Variants in CADM1 observed in about 807,000 individuals in gnomAD.
CADM1 encodes the protein cell adhesion molecule 1, also known as TSLC-1.
CADM1 carries 15 observed loss-of-function variants against 53.1 expected under a neutral mutation model. The observed-to-expected ratio is 0.28, with a 90% CI of 0.19 to 0.44. The LOEUF is 0.44. CADM1 is among the 20% of genes least tolerant of loss of function. CADM1 has a pLI of 1.00. For synonymous variants in CADM1, 281 were observed against 243.0 expected (o/e 1.16, Z -1.45); for missense variants, 434 against 611.3 (o/e 0.71, Z 3.06).
At chr11:115,276,200 T>C (rs1943438913) in intron 1 of CADM1, among the ~76,000 whole-genome samples, 1 of 152,252 alleles carries the variant, frequency 6.6e-6, no homozygotes, top group South Asian at 2.1e-4. Context: ...ATGACTATTT[T>C]AAATGACTAT....
At chr11:115,488,231 T>C (rs193279468) in intron 1 of CADM1, among the ~76,000 whole-genome samples, 6 of 152,276 alleles carry the variant, frequency 3.9e-5, no homozygotes, top group Admixed American at 3.9e-4. Flanking sequence ...AGATTCTCCA[T>C]AATTCAAAGC....
chr11:115,392,555 C>T (rs1946862924), intron 1 of CADM1, among the ~76,000 whole-genome samples: 1 of 152,062 alleles, frequency 6.6e-6, no homozygotes, highest in East Asian at 1.9e-4. Context: ...GAAAAGAAAA[C>T]CAAATGGTTA....
In CADM1 at chr11:115,338,877, A is replaced by ATT. The variant is rs56300408; in HGVS notation, c.125-98459_125-98458dup. On this transcript the variant is annotated intron_variant, in intron 1 of 11. Coordinates refer to ENST00000331581, the MANE Select transcript of CADM1 (RefSeq NM_001301043.2). ...TGTTCCACCTTCTTTTATTTTTTTT[A>ATT]TTTTTTTTTTTTTAATTTTTTTTTT... 1.3e-3 allele frequency among the ~76,000 whole-genome samples: 164 copies of ATT among 127,646 alleles called. 1 individual carries two copies. Among genetic ancestry groups the ATT allele is most frequent in the South Asian group, 2.0e-3 (8 of 3,972 alleles). The allele number at this position is 127,646 out of a possible 152,430, so 83.7% of individuals were successfully genotyped here.
chr11:115,312,136 T>C (rs1006324329), intron 1 of CADM1, among the ~76,000 whole-genome samples: 3 of 152,240 alleles, frequency 2.0e-5, no homozygotes, highest in African/African-American at 7.2e-5. Context: ...GACAGTGTAG[T>C]GACAGCCATA....
intron 1 of CADM1, among the ~76,000 whole-genome samples, chr11:115,301,939 T>C (rs1364975949): frequency 6.6e-6 from 1 of 152,112 alleles, no homozygotes; most frequent in Non-Finnish European, 1.5e-5. Flanking sequence ...TTCAGAACTA[T>C]ACATACACAA....
chr11:115,260,303 CAG>C (rs1426839807), intron 1 of CADM1, among the ~76,000 whole-genome samples: 2 of 152,210 alleles, frequency 1.3e-5, no homozygotes, highest in Non-Finnish European at 2.9e-5. Context: ...ATCCAATGTG[CAG>C]AGAGTAAGAC....
In CADM1 at chr11:115,374,523, T is replaced by G. The variant is rs74424957; in HGVS notation, c.124+129748A>C. ...ATGGCAGAATAAGATCCTCACCATT[T>G]TGCAGCCCTCACTGAAAGAATAAAT... On this transcript the variant is annotated intron_variant, in intron 1 of 11. Coordinates refer to ENST00000331581, the MANE Select transcript of CADM1 (RefSeq NM_001301043.2). Among the ~76,000 whole-genome samples, 345 of 152,278 alleles carry G rather than the reference T, an allele frequency of 2.3e-3. 4 individuals are homozygous for G. The highest frequency in any genetic ancestry group is 7.8e-3 in the African/African-American group (323 of 41,558).
chr11:115,450,396 TA>T lies in CADM1; in HGVS notation c.124+53874del, dbSNP rs35203258. Among the ~76,000 whole-genome samples the T allele has an allele frequency of 3.1e-3, 471 of 152,320 alleles. 1 individual carries two copies. The highest frequency in any genetic ancestry group is 0.01 in the African/African-American group (429 of 41,578). ...CATTCATAGCCTTTATTCCTAGTTC[TA>T]AAACTGTGCTTCTATCTTAGTAATA... On this transcript the variant is annotated intron_variant, in intron 1 of 11. Coordinates refer to ENST00000331581, the MANE Select transcript of CADM1 (RefSeq NM_001301043.2).
At chr11:115,424,348 G>T (rs1246107292) in intron 1 of CADM1, among the ~76,000 whole-genome samples, 2 of 152,128 alleles carry the variant, frequency 1.3e-5, no homozygotes, top group East Asian at 1.9e-4. Context: ...AGGATAACAG[G>T]TGCTATATCA....
intron 1 of CADM1, among the ~76,000 whole-genome samples, chr11:115,447,906 C>T (rs973793693): frequency 6.6e-6 from 1 of 152,188 alleles, no homozygotes; most frequent in Non-Finnish European, 1.5e-5. Flanking sequence ...GGTGTTCTTT[C>T]TTAGGTGCTC....
At chr11:115,188,613 C>T (rs533664221) in intron 10 of CADM1, among the ~76,000 whole-genome samples, 1 of 152,290 alleles carries the variant, frequency 6.6e-6, no homozygotes, top group Non-Finnish European at 1.5e-5. Context: ...GAGGAAATTT[C>T]TACCCTGATG....
At chr11:115,276,587 T>C (rs138519026) in intron 1 of CADM1, among the ~76,000 whole-genome samples, 238 of 152,308 alleles carry the variant, frequency 1.6e-3, no homozygotes, top group African/African-American at 5.3e-3. Context: ...TTCATGGTGA[T>C]TTGGGGAGCA....
chr11:115,458,403 T>C (rs1948723366), intron 1 of CADM1, among the ~76,000 whole-genome samples: 1 of 151,896 alleles, frequency 6.6e-6, no homozygotes, highest in South Asian at 2.1e-4. Context: ...GACACTAGAA[T>C]AGGGGTGAGA....
At chr11:115,478,053 A>C (rs1949174909) in intron 1 of CADM1, among the ~76,000 whole-genome samples, 1 of 152,232 alleles carries the variant, frequency 6.6e-6, no homozygotes, top group African/African-American at 2.4e-5. Flanking sequence ...TTAATCAGAA[A>C]GTATCCTTTG....
chr11:115,393,066 C>CCA (rs1337084511), intron 1 of CADM1, among the ~76,000 whole-genome samples: 1 of 50,218 alleles, frequency 2.0e-5, no homozygotes, highest in African/African-American at 7.5e-5. Flanking sequence ...CCATCTCTTC[C>CCA]AAAAAAAAAA....
At chr11:115,258,773 A>G (rs1942873880) in intron 1 of CADM1, among the ~76,000 whole-genome samples, 1 of 152,208 alleles carries the variant, frequency 6.6e-6, no homozygotes. Context: ...AAATCTAAGG[A>G]GATGTAGCAG....
intron 1 of CADM1, among the ~76,000 whole-genome samples, chr11:115,363,100 T>C (rs1242422870): frequency 1.3e-5 from 2 of 152,206 alleles, no homozygotes; most frequent in Non-Finnish European, 1.5e-5. Flanking sequence ...AGAATCAATC[T>C]TATAAGCCAA....
At chr11:115,478,894 G>C (rs1024869310) in intron 1 of CADM1, among the ~76,000 whole-genome samples, 3 of 152,012 alleles carry the variant, frequency 2.0e-5, no homozygotes, top group African/African-American at 7.2e-5. Flanking sequence ...CCATTGTATG[G>C]ACAGATCATA....
At chr11:115,182,317 C>T (rs541661960) in intron 10 of CADM1, among the ~76,000 whole-genome samples, 7 of 152,298 alleles carry the variant, frequency 4.6e-5, no homozygotes, top group African/African-American at 1.4e-4. Context: ...TTTAGAAAGC[C>T]ATGTTTTCTT....
Sources: allele counts gnomAD v4.1 joint callset (sites outside exome capture counted in the v4.1 genomes callset), GRCh38; gene constraint gnomAD v4.1.1; transcripts MANE v1.5; gene names NCBI Gene and HGNC (gene_info 2026-07-23, HGNC 2026-07-21).